Variants in TGM6 observed in about 807,000 individuals in gnomAD.
TGM6 encodes the protein transglutaminase 6.
In TGM6, 74 loss-of-function variants were observed where a neutral mutation model predicts 77.5. That is an observed-to-expected ratio of 0.96 (90% confidence interval 0.79 to 1.16). The LOEUF (loss-of-function observed/expected upper bound fraction) is 1.16. TGM6 is among the 50% of genes most tolerant of loss of function. The probability of loss-of-function intolerance (pLI) is 0.00; values close to 1 mark genes in which losing one functional copy is unlikely to be tolerated. For synonymous variants in TGM6, 383 were observed against 378.9 expected, an observed-to-expected ratio of 1.01 and a Z score of -0.12; for missense variants, 968 against 940.2, an observed-to-expected ratio of 1.03 and a Z score of -0.39.
intron 10 of TGM6, among the ~76,000 whole-genome samples, chr20:2,420,987 T>A (rs1304243971): frequency 6.8e-6 from 1 of 146,794 alleles, no homozygotes; most frequent in Non-Finnish European, 1.5e-5. Context: ...GAGTTTTTAA[T>A]TTTTTTTTTT....
intron 7 of TGM6, among the ~76,000 whole-genome samples, chr20:2,401,980 G>A (rs1391658543): frequency 1.3e-5 from 2 of 152,150 alleles, no homozygotes; most frequent in Non-Finnish European, 2.9e-5. Flanking sequence ...GCTCGCACCT[G>A]TAATCCCAAC....
chr20:2,411,273 G>A (rs1057478091), intron 9 of TGM6, among the ~76,000 whole-genome samples: 4 of 152,060 alleles, frequency 2.6e-5, no homozygotes, highest in African/African-American at 7.2e-5. Context: ...ACTGAATTCA[G>A]CAACATATAA....
intron 9 of TGM6, among the ~76,000 whole-genome samples, chr20:2,416,306 G>T (rs2084816462): frequency 6.6e-6 from 1 of 152,014 alleles, no homozygotes; most frequent in Non-Finnish European, 1.5e-5. Flanking sequence ...GCATAAGAAG[G>T]GACATATAGA....
intron 1 of TGM6, among the ~76,000 whole-genome samples, chr20:2,383,888 A>G (rs570434973): frequency 5.3e-5 from 8 of 152,028 alleles, no homozygotes; most frequent in Non-Finnish European, 1.0e-4. Flanking sequence ...TGAGCGGATC[A>G]TGAGGTCAGG....
At chr20:2,402,390 T>C (rs2084717063) in intron 7 of TGM6, among the ~76,000 whole-genome samples, 1 of 152,090 alleles carries the variant, frequency 6.6e-6, no homozygotes, top group Non-Finnish European at 1.5e-5. Flanking sequence ...GCTCAGACCA[T>C]CTCTTTGCTC....
At chr20:2,415,457 C>T (rs1164798168) in intron 9 of TGM6, among the ~76,000 whole-genome samples, 5 of 152,134 alleles carry the variant, frequency 3.3e-5, no homozygotes, top group Non-Finnish European at 7.3e-5. Flanking sequence ...CTGCTCAGTG[C>T]CTTGCTTGTG....
rs930243360 is a variant in TGM6 at position 2,403,669 on chromosome 20, G to A, written c.1182G>A (p.Glu394=). 1 of 1,614,092 alleles carries A rather than the reference G, an allele frequency of 6.2e-7. No homozygotes were observed. Among genetic ancestry groups the A allele is most frequent in the African/African-American group, 1.3e-5 (1 of 74,940 alleles). ...LAHDGPFVFA[E]VNADYITWLW... The stretch of plus-strand genomic sequence containing the variant: ...ACGATGGCCCCTTCGTGTTTGCGGA[G>A]GTCAACGCCGACTACATCACCTGGC... Residue 394 remains glutamate, a synonymous_variant, in exon 9 of 13, where the codon GAG becomes GAA. Coordinates refer to ENST00000202625, the MANE Select transcript of TGM6 (RefSeq NM_198994.3).
chr20:2,420,667 C>T (rs1217598194), intron 10 of TGM6, among the ~76,000 whole-genome samples: 1 of 152,196 alleles, frequency 6.6e-6, no homozygotes, highest in Non-Finnish European at 1.5e-5. Flanking sequence ...GCCTGAACCC[C>T]CAGTGACCAC....
At chr20:2,414,057 A>G (rs148486212) in intron 9 of TGM6, among the ~76,000 whole-genome samples, 14 of 152,268 alleles carry the variant, frequency 9.2e-5, no homozygotes, top group South Asian at 6.2e-4. Context: ...ACCATAAAAA[A>G]AAAATAATTT....
At chr20:2,406,831 C>CAAAAAAAAAAAAAAAAAAAAAAAAAAA (rs3050731) in intron 9 of TGM6, among the ~76,000 whole-genome samples, 3 of 63,710 alleles carry the variant, frequency 4.7e-5, no homozygotes, top group Admixed American at 3.0e-4. Flanking sequence ...CGAAACTCCT[C>CAAAAAAAAAAAAAAAAAAAAAAAAAAA]AAAAAAAAAA....
At chr20:2,388,460 C>T (rs568318999) in intron 1 of TGM6, among the ~76,000 whole-genome samples, 2 of 152,138 alleles carry the variant, frequency 1.3e-5, no homozygotes, top group East Asian at 3.9e-4. Flanking sequence ...AGATTCCCAG[C>T]TCCATCACTT....
At chr20:2,431,745 G>A (rs1175769788) in intron 12 of TGM6, among the ~76,000 whole-genome samples, 3 of 152,236 alleles carry the variant, frequency 2.0e-5, no homozygotes, top group Non-Finnish European at 4.4e-5. Flanking sequence ...TGGTGTTTGA[G>A]CTGAGCCTTA....
intron 5 of TGM6, among the ~76,000 whole-genome samples, chr20:2,398,279 T>G (rs1199021889): frequency 3.3e-5 from 5 of 152,196 alleles, no homozygotes; most frequent in African/African-American, 7.2e-5. Context: ...TCCAAGATGC[T>G]TCTTCTGGGG....
chr20:2,389,966 C>T (rs6137862), intron 1 of TGM6, among the ~76,000 whole-genome samples: 9 of 152,304 alleles, frequency 5.9e-5, no homozygotes, highest in East Asian at 3.9e-4. Flanking sequence ...CCATCTTCTA[C>T]GTAAGGACTA....
chr20:2,432,435 A>T (rs1397326742), intron 12 of TGM6, 55 bp from the exon 13 acceptor site: 31 of 1,608,386 alleles, frequency 1.9e-5, no homozygotes, highest in Non-Finnish European at 2.5e-5. Context: ...GGCAGGCCAG[A>T]CTCAGAATGG....
chr20:2,397,198 G>A (rs998302387), intron 4 of TGM6, among the ~76,000 whole-genome samples: 1 of 152,246 alleles, frequency 6.6e-6, no homozygotes, highest in Non-Finnish European at 1.5e-5. Context: ...TGATATTGTA[G>A]TTGGGTCTCT....
intron 1 of TGM6, among the ~76,000 whole-genome samples, chr20:2,384,593 A>G (rs1008279573): frequency 6.6e-6 from 1 of 152,180 alleles, no homozygotes; most frequent in Non-Finnish European, 1.5e-5. Flanking sequence ...AGCGGGTATG[A>G]TCATCACCCT....
chr20:2,418,933 C>T (rs1028238219), intron 10 of TGM6, among the ~76,000 whole-genome samples: 11 of 152,046 alleles, frequency 7.2e-5, no homozygotes, highest in Non-Finnish European at 1.3e-4. Flanking sequence ...GAAAATTAGC[C>T]GGGCATGGTG....
chr20:2,389,024 A>T (rs1034815313), intron 1 of TGM6, among the ~76,000 whole-genome samples: 1 of 152,172 alleles, frequency 6.6e-6, no homozygotes. Context: ...TCAGCAAGAG[A>T]TGGGGCATGT....
Sources: allele counts gnomAD v4.1 joint callset (sites outside exome capture counted in the v4.1 genomes callset), GRCh38; gene constraint gnomAD v4.1.1; transcripts MANE v1.5; gene names NCBI Gene and HGNC (gene_info 2026-07-23, HGNC 2026-07-21).